ZNF251: variants seen among roughly 807,000 people sequenced by gnomAD.
ZNF251 encodes zinc finger protein 251.
Under a neutral mutation model 13.5 loss-of-function variants are expected in ZNF251, and 14 were observed. The ratio of observed to expected loss-of-function variants is 1.04; its 90% CI spans 0.69 to 1.63. The LOEUF (loss-of-function observed/expected upper bound fraction) is 1.63. ZNF251 is among the 40% of genes most tolerant of loss of function. The probability of loss-of-function intolerance (pLI) is 0.00; values close to 1 mark genes in which losing one functional copy is unlikely to be tolerated. For missense variants in ZNF251, 764 were observed against 834.9 expected (o/e 0.92, Z 1.05); for synonymous variants, 287 against 295.2 (o/e 0.97, Z 0.28).
At chr8:144,725,790 C>T (rs1823500878) in intron 4 of ZNF251, among the ~76,000 whole-genome samples, 1 of 152,168 alleles carries the variant, frequency 6.6e-6, no homozygotes, top group African/African-American at 2.4e-5. Context: ...AAACTGAAGG[C>T]TGATCTCATT....
chr8:144,728,727 G>A (rs1563756335), intron 4 of ZNF251, among the ~76,000 whole-genome samples: 1 of 151,264 alleles, frequency 6.6e-6, no homozygotes, highest in Non-Finnish European at 1.5e-5. Context: ...AAAGAAGTGA[G>A]CACGTGCTGT....
chr8:144,755,439 C>G lies in ZNF251; in HGVS notation c.-110G>C. 1 of 1,288,118 alleles carries G rather than the reference C, an allele frequency of 7.8e-7. No homozygotes were observed. Among genetic ancestry groups the G allele is most frequent in the Non-Finnish European group, 1.0e-6 (1 of 988,824 alleles). 79.8% of individuals were successfully genotyped at this position (1,288,118 alleles called of 1,614,324 possible). ...CGACCCGGGGAAGCCACCGAGGAAG[C>G]GCCGAGGAGCTGCGCAGTCGCACCG... is the stretch of plus-strand genomic sequence containing the variant. On this transcript the variant is annotated 5_prime_UTR_variant, in exon 1 of 5. Coordinates refer to ENST00000292562, the MANE Select transcript of ZNF251 (RefSeq NM_138367.2).
Position 144,722,248 on chromosome 8 carries a change from C to T in ZNF251, c.1412G>A (p.Ser471Asn). The T allele has an allele frequency of 6.2e-7, 1 of 1,613,932 alleles. No homozygotes were observed. Among genetic ancestry groups the T allele is most frequent in the Non-Finnish European group, 8.5e-7 (1 of 1,179,966 alleles). Residue 471 changes from serine (S) to asparagine (N), a missense_variant, in exon 5 of 5, where the codon AGC (serine) becomes AAC (asparagine). Ser to Asn is a conservative substitution (Grantham distance 46, BLOSUM62 1). Coordinates refer to ENST00000292562, the MANE Select transcript of ZNF251 (RefSeq NM_138367.2). The surrounding 1 kb of genome is among the most constrained non-coding windows in gnomAD (Gnocchi z 4.8). Reference sequence around the variant, plus strand: ...ATGTAGGGTGAGCTGGGAGCTCTGGCTGAAAGCTTTCCCACATTCAACGCA... The same window carrying T: ...ATGTAGGGTGAGCTGGGAGCTCTGGTTGAAAGCTTTCCCACATTCAACGCA... ...YQCVECGKAF[S>N]QSSQLTLHQR...
intron 4 of ZNF251, 146 bp downstream of exon 4, chr8:144,753,537 C>T: frequency 3.3e-6 from 2 of 599,806 alleles, no homozygotes; most frequent in South Asian, 2.1e-5. Context: ...TGCACATGCT[C>T]ACATTTGTAG....
Position 144,733,332 on chromosome 8 carries a change from A to G in ZNF251, c.278-9950T>C, listed in dbSNP as rs555073703. 7.9e-5 allele frequency among the ~76,000 whole-genome samples: 12 copies of G among 152,354 alleles called. No homozygotes were observed. The South Asian group carries it at 1.2e-3, about 16-fold the overall frequency. ...GAGGTGGGAGGATCACTTGAGGCCA[A>G]AAGTTTGAGACCTGCCTGGGCAAGA... On this transcript the variant is annotated intron_variant, in intron 4 of 4. Transcript: ENST00000292562.
At chr8:144,732,297 T>C (rs777774898) in intron 4 of ZNF251, among the ~76,000 whole-genome samples, 7 of 152,108 alleles carry the variant, frequency 4.6e-5, no homozygotes, top group African/African-American at 1.2e-4. Flanking sequence ...GGTAGAGGGA[T>C]AGTGGGATAG....
intron 1 of ZNF251, 186 bp from the exon 2 acceptor site, chr8:144,754,989 G>A (rs1824890376): frequency 7.2e-7 from 1 of 1,392,626 alleles, no homozygotes; most frequent in Non-Finnish European, 9.3e-7. Flanking sequence ...GCCAGAGCCC[G>A]GGGGGATCCA....
intron 4 of ZNF251, among the ~76,000 whole-genome samples, chr8:144,729,707 TCTC>T (rs1302752160): frequency 2.6e-5 from 4 of 151,904 alleles, no homozygotes; most frequent in Non-Finnish European, 5.9e-5. Flanking sequence ...TAAAAATAGA[TCTC>T]TTGGGATGGG....
At chr8:144,754,457 G>A (rs1284430004) in intron 2 of ZNF251, 136 bp from the exon 3 acceptor site, 1 of 1,445,084 alleles carries the variant, frequency 6.9e-7, no homozygotes, top group Non-Finnish European at 9.1e-7. Context: ...GCAGGTCCCT[G>A]ATGGGGCAGC....
rs1282800079 is a variant in ZNF251 at position 144,737,220 on chromosome 8, C to A, written c.278-13838G>T. Among the ~76,000 whole-genome samples the A allele has an allele frequency of 2.0e-5, 3 of 152,004 alleles. No homozygotes were observed. In the East Asian group the frequency reaches 5.8e-4, roughly 29 times the overall value. On this transcript the variant is annotated intron_variant, in intron 4 of 4. Coordinates refer to ENST00000292562, the MANE Select transcript of ZNF251 (RefSeq NM_138367.2). ...TCAAGCAATCCTCCCACCTCAGCCT[C>A]CCGAGTAGCTAGGATTACAGGTGCT...
intron 4 of ZNF251, among the ~76,000 whole-genome samples, chr8:144,746,122 A>G (rs1824417151): frequency 6.6e-6 from 1 of 152,142 alleles, no homozygotes; most frequent in Non-Finnish European, 1.5e-5. Context: ...GAAAATGTAG[A>G]TTTTCTGTAG....
chr8:144,747,664 T>C (rs962796354), intron 4 of ZNF251, among the ~76,000 whole-genome samples: 4 of 226 alleles, frequency 0.018, no homozygotes, highest in Non-Finnish European at 0.038. Flanking sequence ...CAGGCTGGAG[T>C]GCGATGGCGC....
rs536967354 is a variant in ZNF251 at position 144,741,670 on chromosome 8, G to A, written c.277+12013C>T. Among the ~76,000 whole-genome samples the A allele has an allele frequency of 1.2e-3, 185 of 152,174 alleles. 1 individual carries two copies. Among genetic ancestry groups the A allele is most frequent in the Middle Eastern group, 0.01 (3 of 294 alleles). ...AGCAGAGACACAGAAATAATAAAAA[G>A]GAATAAAACAGTCATTCTGGAACTG... is the stretch of plus-strand genomic sequence containing the variant. On this transcript the variant is annotated intron_variant, in intron 4 of 4. Coordinates refer to ENST00000292562, the MANE Select transcript of ZNF251 (RefSeq NM_138367.2).
intron 4 of ZNF251, among the ~76,000 whole-genome samples, chr8:144,732,389 C>T (rs1261431213): frequency 6.6e-6 from 1 of 152,156 alleles, no homozygotes; most frequent in African/African-American, 2.4e-5. Context: ...AAAGCTCTTC[C>T]AAATTTGATG....
At position 144,722,746 on chromosome 8, in the gene ZNF251, C is replaced by T. The variant is rs1157395979; in HGVS notation, c.914G>A (p.Ser305Asn). The T allele has an allele frequency of 1.2e-6, 2 of 1,614,108 alleles. No individual in the cohort carries two copies. Among genetic ancestry groups the T allele is most frequent in the East Asian group, 2.2e-5 (1 of 44,884 alleles). ...CGECGKAFSR[S>N]STLIQHRIIH... ...GATCCGATGTTGAATAAGAGTTGAG[C>T]TTCGACTGAAAGCCTTCCCACACTC... is the stretch of plus-strand genomic sequence containing the variant. The change falls in exon 5 of 5, where the codon AGC (serine) becomes AAC (asparagine). Residue 305 changes from serine to asparagine, a missense_variant. By Grantham distance (46) the Ser-to-Asn change is conservative. Coordinates refer to ENST00000292562, the MANE Select transcript of ZNF251 (RefSeq NM_138367.2). The surrounding 1 kb of genome is among the most constrained non-coding windows in gnomAD (Gnocchi z 4.8).
rs1275100558 is a variant in ZNF251 at position 144,734,521 on chromosome 8, C to T, written c.278-11139G>A. Reference sequence around the variant, plus strand: ...ATGAACTCTACTTGGTGCCGCTGGCCCTGTGGTCCTGGGGCCTGGGGGCCA... The same window carrying T: ...ATGAACTCTACTTGGTGCCGCTGGCTCTGTGGTCCTGGGGCCTGGGGGCCA... On this transcript the variant is annotated intron_variant, in intron 4 of 4. Coordinates refer to ENST00000292562, the MANE Select transcript of ZNF251 (RefSeq NM_138367.2). This position sits in a 1 kb window ranked among gnomAD's most constrained non-coding sequence, Gnocchi z 4.4. Among the ~76,000 whole-genome samples, 5 of 152,194 alleles carry T rather than the reference C, an allele frequency of 3.3e-5. No homozygotes were observed. Among genetic ancestry groups the T allele is most frequent in the Non-Finnish European group, 2.9e-5 (2 of 68,044 alleles).
chr8:144,739,054 C>T (rs1174391631), intron 4 of ZNF251, among the ~76,000 whole-genome samples: 1 of 152,046 alleles, frequency 6.6e-6, no homozygotes, highest in Non-Finnish European at 1.5e-5. Context: ...CAGCCCCCAT[C>T]TCATGGGGGA....
At position 144,732,544 on chromosome 8, in the gene ZNF251, G is replaced by A. The variant is rs1018575104; in HGVS notation, c.278-9162C>T. 3.9e-5 allele frequency among the ~76,000 whole-genome samples: 6 copies of A among 152,300 alleles called. No individual in the cohort carries two copies. In the South Asian group the frequency reaches 6.2e-4, roughly 16 times the overall value. On this transcript the variant is annotated intron_variant, in intron 4 of 4. Transcript: ENST00000292562. ...TAGACTGAGCCAAGCCGGGCGCGGT[G>A]GCTCACGCCTGTAATCCCAGCACTT... is the stretch of plus-strand genomic sequence containing the variant.
At chr8:144,732,713 G>A (rs1823748541) in intron 4 of ZNF251, among the ~76,000 whole-genome samples, 1 of 151,750 alleles carries the variant, frequency 6.6e-6, no homozygotes, top group Admixed American at 6.6e-5. Flanking sequence ...TTGGGAGGCT[G>A]AGGCAGGAGA....
Sources: allele counts gnomAD v4.1 joint callset (sites outside exome capture counted in the v4.1 genomes callset), GRCh38; gene constraint gnomAD v4.1.1; non-coding constraint Gnocchi (gnomAD v3.1); transcripts MANE v1.5; gene names NCBI Gene and HGNC (gene_info 2026-07-23, HGNC 2026-07-21).